The following PCCA variants were observed in gnomAD, a reference collection of about 807,000 sequenced individuals.
PCCA encodes the protein propionyl-CoA carboxylase subunit alpha.
PCCA carries 74 observed loss-of-function variants against 101.3 expected under a neutral mutation model. That is an observed-to-expected ratio of 0.73 (90% confidence interval 0.61 to 0.89). PCCA has a LOEUF of 0.89. PCCA is among the 40% of genes least tolerant of loss of function. PCCA has a pLI of 0.00. For synonymous variants in PCCA, 294 were observed against 313.6 expected, an observed-to-expected ratio of 0.94 and a Z score of 0.66; for missense variants, 891 against 907.0, an observed-to-expected ratio of 0.98 and a Z score of 0.23.
intron 4 of PCCA, among the ~76,000 whole-genome samples, chr13:100,147,839 C>T (rs527601867): frequency 4.7e-4 from 71 of 152,070 alleles, no homozygotes; most frequent in African/African-American, 1.6e-3. Context: ...CTGGCTTGTC[C>T]GTAATTGGCT....
chr13:100,497,719 G>A (rs2085378136), intron 21 of PCCA, among the ~76,000 whole-genome samples: 1 of 152,126 alleles, frequency 6.6e-6, no homozygotes, highest in Non-Finnish European at 1.5e-5. Context: ...TTTCAGTGAT[G>A]TCTAGGCAAA....
chr13:100,164,606 TC>T (rs1219702177), intron 6 of PCCA, among the ~76,000 whole-genome samples: 1 of 152,230 alleles, frequency 6.6e-6, no homozygotes, highest in Non-Finnish European at 1.5e-5. Flanking sequence ...GATCCAAATA[TC>T]ATTCAGTTGA....
intron 17 of PCCA, among the ~76,000 whole-genome samples, chr13:100,337,381 G>A (rs542730704): frequency 4.3e-4 from 65 of 152,310 alleles, no homozygotes; most frequent in African/African-American, 1.5e-3. Context: ...GCAAACAGTG[G>A]AGACCGTTCA....
At chr13:100,409,530 G>C (rs2077899417) in intron 19 of PCCA, among the ~76,000 whole-genome samples, 1 of 152,132 alleles carries the variant, frequency 6.6e-6, no homozygotes, top group African/African-American at 2.4e-5. Flanking sequence ...ATAGGAAGAG[G>C]AGGGGCCAAA....
At chr13:100,199,501 G>A (rs1030996855) in intron 6 of PCCA, among the ~76,000 whole-genome samples, 13 of 152,096 alleles carry the variant, frequency 8.5e-5, no homozygotes, top group African/African-American at 3.1e-4. Context: ...TCACTGCATG[G>A]CGATGCTATA....
chr13:100,180,723 T>C (rs2056721870), intron 6 of PCCA, among the ~76,000 whole-genome samples: 1 of 152,260 alleles, frequency 6.6e-6, no homozygotes, highest in Non-Finnish European at 1.5e-5. Context: ...GTCTGGCTAG[T>C]AGGTGAGGTT....
intron 21 of PCCA, among the ~76,000 whole-genome samples, chr13:100,485,904 C>T (rs556510336): frequency 6.6e-6 from 1 of 152,296 alleles, no homozygotes; most frequent in African/African-American, 2.4e-5. Flanking sequence ...TCTCTAAGAA[C>T]AAAAGCTGTG....
At chr13:100,273,405 AC>A in intron 12 of PCCA, 59 bp downstream of exon 12, 1 of 1,373,050 alleles carries the variant, frequency 7.3e-7, no homozygotes, top group Non-Finnish European at 1.0e-6. Context: ...TTCCTTCTCC[AC>A]CCTTTTTTGT....
chr13:100,444,431 CTTTTTTTTTTTTTTT>C (rs57941571), intron 20 of PCCA, among the ~76,000 whole-genome samples: 2 of 45,458 alleles, frequency 4.4e-5, no homozygotes, highest in Non-Finnish European at 7.3e-5. Flanking sequence ...TTTGAACAAC[CTTTTTTTTTTTTTTT>C]TTTTTTTTTT....
intron 18 of PCCA, among the ~76,000 whole-genome samples, chr13:100,354,973 CA>C (rs1255666914): frequency 6.6e-6 from 1 of 152,138 alleles, no homozygotes; most frequent in East Asian, 1.9e-4. Context: ...AGACCAATAT[CA>C]TCATGATTCC....
chr13:100,490,819 G>C (rs2084850573), intron 21 of PCCA: 1 of 152,376 alleles, frequency 6.6e-6, no homozygotes, highest in Middle Eastern at 3.4e-3. Context: ...GGGTGTTACT[G>C]TCATTCTCTG....
chr13:100,467,572 C>A (rs928561614), intron 21 of PCCA, among the ~76,000 whole-genome samples: 3 of 152,148 alleles, frequency 2.0e-5, no homozygotes, highest in Admixed American at 6.5e-5. Flanking sequence ...GGGTTTCACC[C>A]TGTTAGCCAG....
chr13:100,245,731 A>G (rs1304021221), intron 8 of PCCA, among the ~76,000 whole-genome samples: 1 of 152,134 alleles, frequency 6.6e-6, no homozygotes, highest in Non-Finnish European at 1.5e-5. Context: ...CATCTCCTAA[A>G]TATTTCTTGA....
chr13:100,364,984 G>A lies in PCCA; in HGVS notation c.1644-3488G>A, dbSNP rs2075022675. ...GGATCATTTGAGCCCAGGAGTTCCA[G>A]ACTGCAGTGAGCTATGATTGGGCCA... On this transcript the variant is annotated intron_variant, in intron 18 of 23. Transcript: ENST00000376285. Among the ~76,000 whole-genome samples, 3 of 152,256 alleles carry A rather than the reference G, an allele frequency of 2.0e-5. No homozygotes were observed. In the South Asian group the frequency reaches 6.2e-4, roughly 32 times the overall value.
chr13:100,487,657 A>G (rs539199953), intron 21 of PCCA, among the ~76,000 whole-genome samples: 3 of 152,292 alleles, frequency 2.0e-5, no homozygotes, highest in African/African-American at 4.8e-5. Context: ...TTCTTTGGGC[A>G]TGTACTAAGT....
intron 7 of PCCA, among the ~76,000 whole-genome samples, chr13:100,210,222 C>T (rs1594748575): frequency 6.6e-6 from 1 of 152,188 alleles, no homozygotes; most frequent in Non-Finnish European, 1.5e-5. Context: ...AAGTGATTCT[C>T]CCGCCTTGGC....
At chr13:100,379,247 G>T (rs1356054891) in intron 19 of PCCA, among the ~76,000 whole-genome samples, 1 of 152,084 alleles carries the variant, frequency 6.6e-6, no homozygotes, top group Non-Finnish European at 1.5e-5. Context: ...TTAGGGTACT[G>T]TTATTAGTAG....
At chr13:100,406,297 A>G (rs945185488) in intron 19 of PCCA, among the ~76,000 whole-genome samples, 66 of 152,280 alleles carry the variant, frequency 4.3e-4, no homozygotes, top group Non-Finnish European at 7.9e-4. Context: ...TCATAAGTTA[A>G]GAACACTCAC....
At chr13:100,194,377 C>T (rs1023196528) in intron 6 of PCCA, among the ~76,000 whole-genome samples, 2 of 152,086 alleles carry the variant, frequency 1.3e-5, no homozygotes, top group African/African-American at 4.8e-5. Context: ...GCACACAATT[C>T]AGAGAATATA....
Sources: gnomAD v4.1 joint callset for allele counts (sites outside exome capture counted in the v4.1 genomes callset) on GRCh38, gnomAD v4.1.1 for gene constraint, MANE v1.5 for transcripts, NCBI Gene and HGNC (gene_info 2026-07-23, HGNC 2026-07-21) for gene names.